The following BUB3 variants were observed in gnomAD, a reference collection of about 807,000 sequenced individuals.
BUB3 encodes BUB3 mitotic checkpoint protein, also known as mitotic checkpoint protein BUB3.
A neutral mutation model predicts 39.9 loss-of-function variants in BUB3; 22 were observed. That is an observed-to-expected ratio of 0.55 (90% CI 0.39 to 0.79). BUB3 has a LOEUF of 0.79. BUB3 is among the 30% of genes least tolerant of loss of function. The probability of loss-of-function intolerance (pLI) is 0.00; values close to 1 mark genes in which losing one functional copy is unlikely to be tolerated. For synonymous variants in BUB3, 168 were observed against 155.1 expected (o/e 1.08, Z -0.62); for missense variants, 303 against 415.4 (o/e 0.73, Z 2.35).
rs1193157609 is a variant in BUB3, at chr10:123,165,212, A to G, written c.*1377A>G. ...GTACCTTAATACTTTGTTTAGGATG[A>G]GGAGTCTTTGTGTCCCTGTACAGTA... On this transcript the variant is annotated 3_prime_UTR_variant, in exon 8 of 8. Coordinates refer to ENST00000368865, the MANE Select transcript of BUB3 (RefSeq NM_004725.4). The G allele has an allele frequency of 3.5e-6, 3 of 848,320 alleles. No individual in the cohort carries two copies. Among genetic ancestry groups the G allele is most frequent in the Non-Finnish European group, 5.5e-6 (3 of 543,192 alleles). The allele number at this position is 848,320 out of a possible 1,614,324, so 52.5% of individuals were successfully genotyped here.
chr10:123,154,778 G>T, intron 1 of BUB3, 140 bp from the exon 2 acceptor site: 5 of 901,614 alleles, frequency 5.5e-6, no homozygotes, highest in Non-Finnish European at 4.9e-6. Flanking sequence ...GCGGGCGAGT[G>T]CTCGGCGCAG....
intron 2 of BUB3, 89 bp downstream of exon 2, chr10:123,155,201 G>A: frequency 7.1e-7 from 1 of 1,407,540 alleles, no homozygotes; most frequent in Admixed American, 2.4e-5. Context: ...TTGGGTAGAG[G>A]CGTCTGTCGG....
intron 7 of BUB3, 107 bp from the exon 8 acceptor site, chr10:123,163,713 C>A: frequency 1.0e-6 from 1 of 968,586 alleles, no homozygotes; most frequent in Non-Finnish European, 1.6e-6. Flanking sequence ...CATGTGAAGC[C>A]TGTTGGATAA....
In BUB3 at chr10:123,166,694, A is replaced by C. The variant is rs532950409; in HGVS notation, c.*2859A>C. The C allele has an allele frequency of 1.3e-5, 2 of 152,298 alleles. No individual in the cohort carries two copies. Among genetic ancestry groups the C allele is most frequent in the African/African-American group, 4.8e-5 (2 of 41,550 alleles). 9.4% of individuals were successfully genotyped at this position (152,298 alleles called of 1,614,324 possible). A position where few individuals can be genotyped will look rare whatever the true frequency, so the allele number is the denominator to read the frequency against. ...GGTGTGCTGCTTCCCAAGCTTCTAG[A>C]TCATCAGGAAGGGGCCGCGGACTGT... On this transcript the variant is annotated 3_prime_UTR_variant, in exon 8 of 8. Transcript: ENST00000368865.
rs771455036 is a variant in BUB3 at position 123,155,111 on chromosome 10, A to G, written c.194A>G (p.Tyr65Cys). The change falls in exon 2 of 8, where the codon TAC becomes TGC. Residue 65 changes from tyrosine to cysteine, a missense_variant and splice_region_variant. This residue lies in a region of BUB3 where 121 missense variants were observed against 122.3 expected (regional missense o/e 0.99). Coordinates refer to ENST00000368865, the MANE Select transcript of BUB3 (RefSeq NM_004725.4). ...GGCGCCGTCCTGGACTGCGCCTTCT[A>G]CGTAGGTGCCCTCCCGCCCTGCTCC... ...HTGAVLDCAF[Y>C]DPTHAWSGGL... The G allele has an allele frequency of 1.4e-5, 23 of 1,613,060 alleles. No individual in the cohort carries two copies. The East Asian group carries it at 4.9e-4, about 34-fold the overall frequency.
At position 123,155,693 on chromosome 10, in the gene BUB3, T is replaced by A. The variant is rs1365677137; in HGVS notation, c.231T>A (p.His77Gln). 1.2e-6 allele frequency: 2 copies of A among 1,614,022 alleles called. No individual in the cohort carries two copies. The highest frequency in any genetic ancestry group is 1.3e-5 in the African/African-American group (1 of 74,930). The change falls in exon 3 of 8, where the codon CAT (histidine) becomes CAA (glutamine). Residue 77 changes from histidine to glutamine, a missense_variant. His to Gln is a conservative substitution (Grantham distance 24). Around this residue, in one of 2 missense-constraint regions of BUB3, gnomAD observed 121 missense variants for 122.3 expected, o/e 0.99. Coordinates refer to ENST00000368865, the MANE Select transcript of BUB3 (RefSeq NM_004725.4). ...ATGCCTGGAGTGGAGGACTAGATCA[T>A]CAATTGAAAATGCATGATTTGAACA... ...PTHAWSGGLDHQLKMHDLNTD... is the reference protein window; with the variant it reads ...PTHAWSGGLDQQLKMHDLNTD...
intron 1 of BUB3, among the ~76,000 whole-genome samples, 199 bp downstream of exon 1, chr10:123,154,684 G>A (rs941181219): frequency 3.9e-5 from 6 of 152,202 alleles, no homozygotes; most frequent in African/African-American, 1.2e-4. Flanking sequence ...GCTGTGGGCC[G>A]GGCTGGGTTT....
At chr10:123,154,768 G>T in intron 1 of BUB3, 150 bp from the exon 2 acceptor site, 1 of 820,960 alleles carries the variant, frequency 1.2e-6, no homozygotes, top group Non-Finnish European at 1.8e-6. Context: ...CCGGACCTTG[G>T]CGGGCGAGTG....
intron 3 of BUB3, among the ~76,000 whole-genome samples, chr10:123,156,716 CT>C (rs1844351299): frequency 6.7e-6 from 1 of 150,120 alleles, no homozygotes; most frequent in South Asian, 2.1e-4. Flanking sequence ...ATGAAAGTCA[CT>C]GCCAAACTTC....
Position 123,162,310 on chromosome 10 carries a change from G to A in BUB3, c.651G>A (p.Lys217=), listed in dbSNP as rs986693239. The change falls in exon 6 of 8, where the codon AAG becomes AAA. Residue 217 remains lysine (K), a synonymous_variant. Coordinates refer to ENST00000368865, the MANE Select transcript of BUB3 (RefSeq NM_004725.4). ...ACCCAAGCCCTGAGGTACAGAAGAA[G>A]AAGTATGCCTTCAAATGTCACAGAC... The part of the protein sequence containing the change: ...YLDPSPEVQK[K]KYAFKCHRLK... 3 of 1,614,122 alleles carry A rather than the reference G, an allele frequency of 1.9e-6. No individual in the cohort carries two copies. Among genetic ancestry groups the A allele is most frequent in the Non-Finnish European group, 2.5e-6 (3 of 1,179,988 alleles).
At chr10:123,154,761 G>A in intron 1 of BUB3, 157 bp from the exon 2 acceptor site, 1 of 776,306 alleles carries the variant, frequency 1.3e-6, no homozygotes, top group East Asian at 3.0e-5. Flanking sequence ...GGCGAGTCCG[G>A]ACCTTGGCGG....
chr10:123,163,200 C>A (rs2133571034), intron 7 of BUB3: 1 of 214,718 alleles, frequency 4.7e-6, no homozygotes, highest in Admixed American at 6.2e-5. Flanking sequence ...TGCCAAAAAT[C>A]TTTCCTCTCC....
rs1188180767 is a variant in BUB3, at chr10:123,170,451, A to G, written c.*6616A>G. The G allele has an allele frequency of 6.6e-6, 1 of 152,242 alleles. No individual in the cohort carries two copies. The highest frequency in any genetic ancestry group is 2.4e-5 in the African/African-American group (1 of 41,454). The allele number at this position is 152,242 out of a possible 1,614,324, so 9.4% of individuals were successfully genotyped here. On this transcript the variant is annotated 3_prime_UTR_variant, in exon 8 of 8. Transcript: ENST00000368865. ...CTGTATTTTATCTCTTCATTTTAAA[A>G]TAAAGTTTTGCACATGTTTGAAGCC...
intron 7 of BUB3, chr10:123,163,145 AATTT>A: frequency 3.5e-6 from 1 of 283,130 alleles, no homozygotes; most frequent in Non-Finnish European, 6.5e-6. Flanking sequence ...ATTCAAGAAT[AATTT>A]ATTTTAGTAA....
rs1359973999 is a variant in BUB3, at chr10:123,167,309, A to G, written c.*3474A>G. 4 of 152,110 alleles carry G rather than the reference A, an allele frequency of 2.6e-5. No individual in the cohort carries two copies. Among genetic ancestry groups the G allele is most frequent in the African/African-American group, 9.7e-5 (4 of 41,420 alleles). The allele number at this position is 152,110 out of a possible 1,614,324, so 9.4% of individuals were successfully genotyped here. ...ATTGCTCTTTCAGGATTTAATTTGAATCCTGCAAAGTCCTGTTCAAGGCCC... is the reference window on the plus strand; with the variant it reads ...ATTGCTCTTTCAGGATTTAATTTGAGTCCTGCAAAGTCCTGTTCAAGGCCC... On this transcript the variant is annotated 3_prime_UTR_variant, in exon 8 of 8. Transcript: ENST00000368865.
rs770965383 is a variant in BUB3, at chr10:123,160,483, G to A, written c.494G>A (p.Arg165Gln). The A allele has an allele frequency of 1.2e-6, 2 of 1,613,402 alleles. No individual in the cohort carries two copies. The highest frequency in any genetic ancestry group is 1.3e-5 in the African/African-American group (1 of 74,974). Residue 165 changes from arginine (R) to glutamine (Q), a missense_variant, in exon 5 of 8, where the codon CGG (arginine) becomes CAG (glutamine). Arg to Gln is a conservative substitution (Grantham distance 43). Transcript: ENST00000368865. ...CGCAGAGTGTTGGTGTGGGACTTAC[G>A]GAACATGGGTTACGTGCAGCAGCGC... ...AGRRVLVWDL[R>Q]NMGYVQQRRE...
intron 1 of BUB3, among the ~76,000 whole-genome samples, chr10:123,154,698 G>C (rs1226143665): frequency 6.6e-6 from 1 of 152,212 alleles, no homozygotes; most frequent in Non-Finnish European, 1.5e-5. Flanking sequence ...TGGGTTTAGG[G>C]GGACGGCGGT....
chr10:123,160,333 G>A, intron 4 of BUB3, 74 bp from the exon 5 acceptor site: 2 of 1,358,292 alleles, frequency 1.5e-6, no homozygotes, highest in South Asian at 1.7e-5. Context: ...TGATCAGATG[G>A]ACTTTATTTT....
chr10:123,155,752 T>C (rs1489211807), intron 3 of BUB3, 25 bp downstream of exon 3: 2 of 1,606,318 alleles, frequency 1.2e-6, no homozygotes, highest in Non-Finnish European at 1.7e-6. Context: ...TCTTTACCAG[T>C]TTGTTTTCTT....
Sources: allele counts gnomAD v4.1 joint callset (sites outside exome capture counted in the v4.1 genomes callset), GRCh38; gene constraint gnomAD v4.1.1; regional missense constraint gnomAD v4.1.1; transcripts MANE v1.5; gene names NCBI Gene and HGNC (gene_info 2026-07-23, HGNC 2026-07-21).